ZNF710: variants seen among roughly 807,000 people sequenced by gnomAD.
The protein encoded by ZNF710 is zinc finger protein 710.
A neutral mutation model predicts 50.6 loss-of-function variants in ZNF710; 13 were observed. That is an observed-to-expected ratio of 0.26 (90% confidence interval 0.17 to 0.41). ZNF710 has a LOEUF of 0.41. Ranked by LOEUF, ZNF710 falls within the 10% of genes least tolerant of loss-of-function variation. ZNF710 has a pLI of 1.00. For missense variants in ZNF710, 721 were observed against 936.6 expected (o/e 0.77, Z 3.01); for synonymous variants, 383 against 397.0 (o/e 0.96, Z 0.42).
At chr15:90,002,522 C>T (rs1416114430) in intron 1 of ZNF710, 1 of 152,250 alleles carries the variant, frequency 6.6e-6, no homozygotes, top group East Asian at 1.9e-4. Context: ...GCGTGAGCAC[C>T]AGCGTCAGAT....
Position 90,080,138 on chromosome 15 carries a change from C to A in ZNF710, c.*309C>A. 3.7e-6 allele frequency: 1 copy of A among 271,492 alleles called. No homozygotes were observed. The allele number at this position is 271,492 out of a possible 1,614,324, so 16.8% of individuals were successfully genotyped here. A position where few individuals can be genotyped will look rare whatever the true frequency, so the allele number is the denominator to read the frequency against. ...AGAAGTGGGGCCACTGGGGACAGGT[C>A]ACAAGGGCACCGGCCCTCGGGGTCT... is the stretch of plus-strand genomic sequence containing the variant. On this transcript the variant is annotated 3_prime_UTR_variant, in exon 5 of 5. Transcript: ENST00000268154.
At position 90,081,637 on chromosome 15, in the gene ZNF710, C is replaced by G. The variant is rs1019348872; in HGVS notation, c.*1808C>G. 3 of 152,294 alleles carry G rather than the reference C, an allele frequency of 2.0e-5. No homozygotes were observed. The highest frequency in any genetic ancestry group is 4.4e-5 in the Non-Finnish European group (3 of 68,120). 9.4% of individuals were successfully genotyped at this position (152,294 alleles called of 1,614,324 possible). ...GACCCTCAGGTGGCAGTGACCCCGTCACTGTATAAGACATTTTCTCCTGCT... is the reference window on the plus strand; with the variant it reads ...GACCCTCAGGTGGCAGTGACCCCGTGACTGTATAAGACATTTTCTCCTGCT... On this transcript the variant is annotated 3_prime_UTR_variant, in exon 5 of 5. Coordinates refer to ENST00000268154, the MANE Select transcript of ZNF710 (RefSeq NM_198526.4).
chr15:90,026,265 AC>A (rs1323197132), intron 1 of ZNF710, among the ~76,000 whole-genome samples: 2,006 of 138,256 alleles, frequency 0.015, 71 homozygotes, highest in African/African-American at 0.047. Context: ...AACAACAACA[AC>A]AACAAAAAAA....
At position 90,005,348 on chromosome 15, in the gene ZNF710, A is replaced by G. The variant is rs1301735797; in HGVS notation, c.-29+3734A>G. Reference sequence around the variant, plus strand: ...TGTGCTGTGAGTCATTGCTTCAAACAAGCTCCAGACAGGTGAGGCAGGAGG... The same window carrying G: ...TGTGCTGTGAGTCATTGCTTCAAACGAGCTCCAGACAGGTGAGGCAGGAGG... On this transcript the variant is annotated intron_variant, in intron 1 of 4. Transcript: ENST00000268154. Among the ~76,000 whole-genome samples the G allele has an allele frequency of 2.0e-5, 3 of 152,316 alleles. No homozygotes were observed. The East Asian group carries it at 5.8e-4, about 29-fold the overall frequency.
At chr15:90,037,283 G>C (rs528542644) in intron 1 of ZNF710, among the ~76,000 whole-genome samples, 2 of 152,220 alleles carry the variant, frequency 1.3e-5, no homozygotes, top group Non-Finnish European at 2.9e-5. Context: ...TTGGAAGAAA[G>C]TCCCTGGTCC....
chr15:90,074,008 A>AT, intron 3 of ZNF710, 108 bp from the exon 4 acceptor site: 1 of 1,251,704 alleles, frequency 8.0e-7, no homozygotes, highest in East Asian at 2.9e-5. Flanking sequence ...AACAAAAAAA[A>AT]AAAACAAAAG....
At chr15:90,077,330 A>G (rs1388267625) in intron 4 of ZNF710, among the ~76,000 whole-genome samples, 9 of 133,552 alleles carry the variant, frequency 6.7e-5, no homozygotes, top group African/African-American at 2.3e-4. Context: ...TGCAAGCTCC[A>G]CCTCCTGGGT....
chr15:90,024,162 G>A (rs949070772), intron 1 of ZNF710, among the ~76,000 whole-genome samples: 1 of 152,184 alleles, frequency 6.6e-6, no homozygotes, highest in Non-Finnish European at 1.5e-5. Flanking sequence ...CAGGCGGCGA[G>A]CATTCCCAGA....
At chr15:90,074,609 C>A in intron 4 of ZNF710, 1 of 967,022 alleles carries the variant, frequency 1.0e-6, no homozygotes, top group Non-Finnish European at 1.4e-6. Flanking sequence ...CTGTCATTGT[C>A]ATCGTTTTAC....
chr15:90,025,495 A>AT (rs1898750066), intron 1 of ZNF710: 1 of 152,178 alleles, frequency 6.6e-6, no homozygotes, highest in South Asian at 2.1e-4. Flanking sequence ...TACCAACACC[A>AT]TTTAGTACTT....
chr15:90,021,494 G>A (rs2151475434), intron 1 of ZNF710, among the ~76,000 whole-genome samples: 1 of 152,300 alleles, frequency 6.6e-6, no homozygotes, highest in East Asian at 1.9e-4. Context: ...GAAGTCAGGA[G>A]ACAGGCCTGC....
intron 1 of ZNF710, among the ~76,000 whole-genome samples, chr15:90,007,191 A>G (rs1009037966): frequency 1.3e-5 from 2 of 152,170 alleles, no homozygotes; most frequent in African/African-American, 4.8e-5. Flanking sequence ...CTGAAGCAAG[A>G]GAAAAACTGG....
chr15:90,036,004 A>T (rs1297610710), intron 1 of ZNF710, among the ~76,000 whole-genome samples: 1 of 151,990 alleles, frequency 6.6e-6, no homozygotes, highest in African/African-American at 2.4e-5. Context: ...GGGTGGCAGG[A>T]TTGGGTCCTC....
intron 1 of ZNF710, among the ~76,000 whole-genome samples, chr15:90,037,366 AAGTGTC>A (rs1436923740): frequency 2.0e-5 from 3 of 152,096 alleles, no homozygotes; most frequent in African/African-American, 7.2e-5. Flanking sequence ...GGGCTTTCGA[AAGTGTC>A]AGGAACCGCT....
At chr15:90,008,847 T>A (rs1417578527) in intron 1 of ZNF710, among the ~76,000 whole-genome samples, 1 of 152,092 alleles carries the variant, frequency 6.6e-6, no homozygotes, top group Non-Finnish European at 1.5e-5. Context: ...TAAATACATA[T>A]GCTCTATTGT....
chr15:90,010,931 T>A (rs1190428745), intron 1 of ZNF710, among the ~76,000 whole-genome samples: 5 of 134,954 alleles, frequency 3.7e-5, no homozygotes, highest in African/African-American at 1.0e-4. Context: ...GTTTTTTGTT[T>A]TTTTTTTTTT....
rs201471695 is a variant in ZNF710, at chr15:90,034,197, C to CAA, written c.-29+32591_-29+32592dup. Among the ~76,000 whole-genome samples the CAA allele has an allele frequency of 1.5e-5, 2 of 137,692 alleles. No homozygotes were observed. Among genetic ancestry groups the CAA allele is most frequent in the African/African-American group, 5.9e-5 (2 of 34,120 alleles). The allele number at this position is 137,692 out of a possible 152,430, so 90.3% of individuals were successfully genotyped here. ...TGGGTGACAGAGTGAGACTCTGTCTCAAAAAAAAAGAAAAGAAAAGAAAAG... is the reference window on the plus strand; with the variant it reads ...TGGGTGACAGAGTGAGACTCTGTCTCAAAAAAAAAAAGAAAAGAAAAGAAAAG... On this transcript the variant is annotated intron_variant, in intron 1 of 4. Transcript: ENST00000268154. This position sits in a 1 kb window ranked among gnomAD's most constrained non-coding sequence, Gnocchi z 4.0.
chr15:90,031,469 T>C (rs930271299), intron 1 of ZNF710, among the ~76,000 whole-genome samples: 1 of 152,238 alleles, frequency 6.6e-6, no homozygotes, highest in African/African-American at 2.4e-5. Flanking sequence ...TCATTTGTCC[T>C]GTCTCCTTTG....
At position 90,067,281 on chromosome 15, in the gene ZNF710, G is replaced by T; in HGVS notation, c.144G>T (p.Gly48=). 6.2e-7 allele frequency: 1 copy of T among 1,612,214 alleles called. No individual in the cohort carries two copies. The highest frequency in any genetic ancestry group is 8.5e-7 in the Non-Finnish European group (1 of 1,179,454). The change falls in exon 2 of 5, where the codon GGG becomes GGT. Residue 48 remains glycine, a synonymous_variant. Transcript: ENST00000268154. The surrounding 1 kb of genome is among the most constrained non-coding windows in gnomAD (Gnocchi z 8.1). ...ISAEAFYPDL[G]PELSGAAMGE... ...CCGAGGCCTTCTACCCGGACCTGGGGCCCGAGCTTTCAGGGGCAGCCATGG... is the reference window on the plus strand; with the variant it reads ...CCGAGGCCTTCTACCCGGACCTGGGTCCCGAGCTTTCAGGGGCAGCCATGG...
Sources: gnomAD v4.1 joint callset for allele counts (sites outside exome capture counted in the v4.1 genomes callset) on GRCh38, gnomAD v4.1.1 for gene constraint, Gnocchi (gnomAD v3.1) non-coding constraint, MANE v1.5 for transcripts, NCBI Gene and HGNC (gene_info 2026-07-23, HGNC 2026-07-21) for gene names.